KDM4C: variants seen among roughly 807,000 people sequenced by gnomAD.
KDM4C encodes lysine demethylase 4C, also known as lysine-specific demethylase 4C.
In KDM4C, 81 loss-of-function variants were observed where a neutral mutation model predicts 129.3. The ratio of observed to expected loss-of-function variants is 0.63; its 90% CI spans 0.52 to 0.75. KDM4C has a LOEUF of 0.75. Ranked by LOEUF, KDM4C falls within the 30% of genes least tolerant of loss-of-function variation. KDM4C has a pLI of 0.00. For synonymous variants in KDM4C, 573 were observed against 456.1 expected (o/e 1.26, Z -3.26); for missense variants, 1,457 against 1,304.0 (o/e 1.12, Z -1.81).
Position 6,778,831 on chromosome 9 carries a change from T to A in KDM4C, c.-17-14141T>A, listed in dbSNP as rs575249287. Among the ~76,000 whole-genome samples, 31 of 125,538 alleles carry A rather than the reference T, an allele frequency of 2.5e-4. No individual in the cohort carries two copies. In the East Asian group the frequency reaches 2.8e-3, roughly 11 times the overall value. 82.4% of individuals were successfully genotyped at this position (125,538 alleles called of 152,430 possible). ...ATTTGGTGCCTTTTTTTTTTTTTTT[T>A]AATTATGAGAAGGAGTCTCATGTTC... On this transcript the variant is annotated intron_variant, in intron 1 of 21. Transcript: ENST00000381309.
At chr9:6,857,755 C>G (rs950951862) in intron 5 of KDM4C, among the ~76,000 whole-genome samples, 5 of 135,542 alleles carry the variant, frequency 3.7e-5, no homozygotes, top group Non-Finnish European at 6.4e-5. Flanking sequence ...GCCAGCTGTA[C>G]TTTTTTTTTT....
intron 8 of KDM4C, among the ~76,000 whole-genome samples, chr9:6,961,841 C>A (rs1352055317): frequency 6.6e-6 from 1 of 152,162 alleles, no homozygotes; most frequent in Non-Finnish European, 1.5e-5. Flanking sequence ...AAATTGCCAT[C>A]ATTTTAAAGC....
At chr9:7,058,508 G>A (rs1237930717) in intron 17 of KDM4C, among the ~76,000 whole-genome samples, 6 of 152,084 alleles carry the variant, frequency 3.9e-5, no homozygotes, top group Non-Finnish European at 7.4e-5. Flanking sequence ...TCTAGCAGTC[G>A]CTCTCAGGAG....
chr9:7,096,061 A>G (rs17456897), intron 17 of KDM4C, among the ~76,000 whole-genome samples: 31,098 of 152,146 alleles, frequency 0.2, 3,324 homozygotes, highest in South Asian at 0.34. Flanking sequence ...GGCACTTAAT[A>G]AGTATTCAGA....
rs192993895 is a variant in KDM4C, at chr9:6,904,988, A to G, written c.921+11756A>G. ...AACAAACAAAAAAATCCTCAGCACA[A>G]CAAAATGCTAACTGCAATAACCATA... On this transcript the variant is annotated intron_variant, in intron 8 of 21. Coordinates refer to ENST00000381309, the MANE Select transcript of KDM4C (RefSeq NM_015061.6). Among the ~76,000 whole-genome samples, 395 of 152,362 alleles carry G rather than the reference A, an allele frequency of 2.6e-3. 4 individuals carry two copies. Among genetic ancestry groups the G allele is most frequent in the African/African-American group, 8.8e-3 (364 of 41,588 alleles).
chr9:7,023,784 C>T (rs556737701), intron 15 of KDM4C, among the ~76,000 whole-genome samples: 42 of 152,236 alleles, frequency 2.8e-4, no homozygotes, highest in African/African-American at 9.4e-4. Context: ...AAACATTCCT[C>T]TTAGTATTGC....
intron 5 of KDM4C, among the ~76,000 whole-genome samples, chr9:6,865,466 T>A (rs1451252314): frequency 1.3e-5 from 2 of 152,244 alleles, no homozygotes; most frequent in Admixed American, 1.3e-4. Context: ...CTTTGTCCAT[T>A]TGAGAAGGTC....
At chr9:6,941,302 T>TC (rs1419799013) in intron 8 of KDM4C, among the ~76,000 whole-genome samples, 5 of 152,036 alleles carry the variant, frequency 3.3e-5, no homozygotes, top group Non-Finnish European at 7.4e-5. Flanking sequence ...GGGCTTTTTT[T>TC]CATATGTTTA....
chr9:6,736,409 A>T (rs1016575202), intron 1 of KDM4C, among the ~76,000 whole-genome samples: 1 of 152,078 alleles, frequency 6.6e-6, no homozygotes, highest in Admixed American at 6.6e-5. Context: ...CTAGGAGGAA[A>T]AAGTGGTTCT....
At chr9:6,728,521 C>T (rs1281186148) in intron 1 of KDM4C, among the ~76,000 whole-genome samples, 1 of 150,514 alleles carries the variant, frequency 6.6e-6, no homozygotes, top group Non-Finnish European at 1.5e-5. Context: ...GCAAGCAAGA[C>T]TCCTACTCTG....
intron 4 of KDM4C, among the ~76,000 whole-genome samples, chr9:6,829,417 GAGAA>G (rs1388932810): frequency 1.3e-5 from 2 of 152,208 alleles, no homozygotes; most frequent in Middle Eastern, 6.4e-3. Flanking sequence ...ATTACTAAAG[GAGAA>G]AGAACATGAA....
At chr9:6,843,219 G>T (rs895984304) in intron 4 of KDM4C, among the ~76,000 whole-genome samples, 3 of 152,174 alleles carry the variant, frequency 2.0e-5, no homozygotes, top group African/African-American at 4.8e-5. Context: ...ATGAGCCACT[G>T]TGCCCGGCCT....
At chr9:7,019,686 TTATAAAAATATAATATTTTTATA>T (rs60559910) in intron 15 of KDM4C, among the ~76,000 whole-genome samples, 610 of 58,488 alleles carry the variant, frequency 0.01, 13 homozygotes, top group African/African-American at 0.026. Flanking sequence ...AGAGACTATA[TTATAAAAATATAATATTTTTATA>T]TATAAAAATA....
chr9:6,806,827 T>C (rs1830057351), intron 3 of KDM4C, among the ~76,000 whole-genome samples: 2 of 152,186 alleles, frequency 1.3e-5, no homozygotes, highest in South Asian at 4.1e-4. Context: ...CACATGTCTT[T>C]CCTTGCCCTG....
chr9:7,047,125 C>G (rs544860426), intron 16 of KDM4C, among the ~76,000 whole-genome samples: 2 of 152,092 alleles, frequency 1.3e-5, no homozygotes, highest in South Asian at 2.1e-4. Flanking sequence ...TTATGCTTCT[C>G]TTCTTTGTAT....
chr9:6,813,479 A>G (rs751877922), intron 3 of KDM4C, among the ~76,000 whole-genome samples: 2 of 152,252 alleles, frequency 1.3e-5, no homozygotes, highest in African/African-American at 2.4e-5. Flanking sequence ...TGTTACACAG[A>G]TAACTAGTTT....
chr9:7,128,204 T>A lies in KDM4C; in HGVS notation c.2749T>A (p.Phe917Ile). Reference sequence around the variant, plus strand: ...TGAGGTCATGTTTGATGATGGCTCCTTTAGCAGAGACACATTTCCTGAGGA... The same window carrying A: ...TGAGGTCATGTTTGATGATGGCTCCATTAGCAGAGACACATTTCCTGAGGA... ...FYEVMFDDGS[F>I]SRDTFPEDIV... The change falls in exon 19 of 22, where the codon TTT becomes ATT. Residue 917 changes from phenylalanine (F) to isoleucine (I), a missense_variant. Transcript: ENST00000381309. The A allele has an allele frequency of 1.2e-6, 2 of 1,607,082 alleles. No homozygotes were observed. Among genetic ancestry groups the A allele is most frequent in the Non-Finnish European group, 1.7e-6 (2 of 1,176,792 alleles).
At chr9:7,126,700 C>T (rs1294420666) in intron 18 of KDM4C, among the ~76,000 whole-genome samples, 2 of 152,088 alleles carry the variant, frequency 1.3e-5, no homozygotes, top group Non-Finnish European at 2.9e-5. Context: ...CAAAGATACT[C>T]CTCTAATAAG....
At position 6,949,208 on chromosome 9, in the gene KDM4C, A is replaced by G. The variant is rs1466714659; in HGVS notation, c.922-31717A>G. ...GGCGGAGGGGCTCCTCACTTCTCAG[A>G]CGGGGCGGCCGGGCAGAGACGCTCC... On this transcript the variant is annotated intron_variant, in intron 8 of 21. Coordinates refer to ENST00000381309, the MANE Select transcript of KDM4C (RefSeq NM_015061.6). Among the ~76,000 whole-genome samples the G allele has an allele frequency of 4.3e-5, 6 of 138,236 alleles. No individual in the cohort carries two copies. In the East Asian group the frequency reaches 1.4e-3, roughly 31 times the overall value. The allele number at this position is 138,236 out of a possible 152,430, so 90.7% of individuals were successfully genotyped here.
Sources: allele counts gnomAD v4.1 joint callset (sites outside exome capture counted in the v4.1 genomes callset), GRCh38; gene constraint gnomAD v4.1.1; transcripts MANE v1.5; gene names NCBI Gene and HGNC (gene_info 2026-07-23, HGNC 2026-07-21).